Variants in DISP1 observed in about 807,000 individuals in gnomAD.
DISP1 encodes protein dispatched homolog 1.
Under a neutral mutation model 37.3 loss-of-function variants are expected in DISP1, and 30 were observed. That is an observed-to-expected ratio of 0.80 (90% CI 0.60 to 1.09). The LOEUF (loss-of-function observed/expected upper bound fraction) is 1.09. Among genes scored for constraint, DISP1 ranks in the 50% least tolerant of loss-of-function variants. DISP1 has a pLI of 0.00. For missense variants in DISP1, 1,598 were observed against 1,879.5 expected, an observed-to-expected ratio of 0.85 and a Z score of 2.77; for synonymous variants, 634 against 690.2, an observed-to-expected ratio of 0.92 and a Z score of 1.28.
chr1:222,824,211 C>T (rs1663702007), intron 1 of DISP1, among the ~76,000 whole-genome samples: 1 of 152,064 alleles, frequency 6.6e-6, no homozygotes. Flanking sequence ...GGAAAAGTTA[C>T]CAGTAAATGT....
intron 1 of DISP1, among the ~76,000 whole-genome samples, chr1:222,902,247 T>G (rs1335326535): frequency 3.3e-5 from 5 of 152,172 alleles, no homozygotes; most frequent in Non-Finnish European, 5.9e-5. Flanking sequence ...AATTGTGATG[T>G]TAGGGTGTCA....
chr1:222,993,493 G>A (rs1359983257), intron 7 of DISP1, among the ~76,000 whole-genome samples: 1 of 152,056 alleles, frequency 6.6e-6, no homozygotes, highest in African/African-American at 2.4e-5. Context: ...TGACCTGATT[G>A]GATCTTTGAT....
chr1:222,975,173 A>G (rs1272381574), intron 3 of DISP1, among the ~76,000 whole-genome samples: 1 of 151,992 alleles, frequency 6.6e-6, no homozygotes, highest in Non-Finnish European at 1.5e-5. Context: ...CTACAGGTGC[A>G]TGCCACCACC....
At chr1:222,832,964 A>C (rs1666127292) in intron 1 of DISP1, among the ~76,000 whole-genome samples, 1 of 152,254 alleles carries the variant, frequency 6.6e-6, no homozygotes, top group Non-Finnish European at 1.5e-5. Context: ...AATTTAAATA[A>C]GTTGAAAATT....
chr1:222,922,831 G>T (rs187334832), intron 1 of DISP1, among the ~76,000 whole-genome samples: 2 of 152,248 alleles, frequency 1.3e-5, no homozygotes, highest in Admixed American at 1.3e-4. Flanking sequence ...AAGAAGATCT[G>T]CCAAGAAAAT....
At chr1:222,953,208 G>A (rs1187092402) in intron 3 of DISP1, among the ~76,000 whole-genome samples, 1 of 151,990 alleles carries the variant, frequency 6.6e-6, no homozygotes, top group African/African-American at 2.4e-5. Context: ...CTGTAAAATG[G>A]GAGTAACAGT....
chr1:222,942,726 G>A (rs778256356), intron 2 of DISP1, 81 bp from the exon 3 acceptor site: 5 of 1,540,734 alleles, frequency 3.2e-6, no homozygotes, highest in African/African-American at 1.4e-5. Context: ...TCAATGAGCT[G>A]TTTTTAAATA....
chr1:222,856,458 C>G (rs1668550146), intron 1 of DISP1, among the ~76,000 whole-genome samples: 1 of 152,138 alleles, frequency 6.6e-6, no homozygotes, highest in Non-Finnish European at 1.5e-5. Context: ...CACACTGACA[C>G]AACTAGACTT....
chr1:222,999,735 A>C (rs1032354981), intron 8 of DISP1, among the ~76,000 whole-genome samples: 1 of 152,160 alleles, frequency 6.6e-6, no homozygotes, highest in African/African-American at 2.4e-5. Context: ...TTACTCCCTA[A>C]AAGTACAGAC....
chr1:222,984,363 C>A (rs972670222), intron 4 of DISP1, among the ~76,000 whole-genome samples: 1 of 140,458 alleles, frequency 7.1e-6, no homozygotes, highest in South Asian at 2.2e-4. Context: ...TGAAATACAC[C>A]ACTACACTCA....
intron 1 of DISP1, among the ~76,000 whole-genome samples, chr1:222,823,002 A>G (rs1280311830): frequency 6.6e-6 from 1 of 152,230 alleles, no homozygotes; most frequent in East Asian, 1.9e-4. Context: ...TTCAGAATAA[A>G]TTGTGGAATG....
rs746215476 is a variant in DISP1, at chr1:222,942,805, A to G, written c.-17-2A>G. ...GGGCGATTTTATGATTTTCTTACTT[A>G]GAGTCAAGAAATTGGAGCATGGCTA... On this transcript the variant is annotated splice_acceptor_variant, in intron 2 of 8. Coordinates refer to ENST00000675850, the MANE Select transcript of DISP1 (RefSeq NM_001377229.1). LOFTEE classifies it low-confidence loss of function (5UTR_SPLICE). 2 of 1,614,080 alleles carry G rather than the reference A, an allele frequency of 1.2e-6. No individual in the cohort carries two copies. Among genetic ancestry groups the G allele is most frequent in the Non-Finnish European group, 1.7e-6 (2 of 1,180,016 alleles).
intron 1 of DISP1, among the ~76,000 whole-genome samples, chr1:222,906,329 T>C (rs1365282011): frequency 6.6e-6 from 1 of 152,208 alleles, no homozygotes; most frequent in African/African-American, 2.4e-5. Flanking sequence ...GAACTTTTTC[T>C]TGTTTGAACA....
intron 1 of DISP1, among the ~76,000 whole-genome samples, chr1:222,815,988 A>G (rs1661124706): frequency 6.6e-6 from 1 of 151,990 alleles, no homozygotes; most frequent in Non-Finnish European, 1.5e-5. Context: ...AGTTTAACCA[A>G]TAAAGGCAAT....
At chr1:222,967,454 T>C (rs1287132061) in intron 3 of DISP1, among the ~76,000 whole-genome samples, 1 of 152,152 alleles carries the variant, frequency 6.6e-6, no homozygotes, top group African/African-American at 2.4e-5. Context: ...GCAACCCTTC[T>C]TAGGAGAGGT....
chr1:222,883,254 C>T (rs547877182), intron 1 of DISP1, among the ~76,000 whole-genome samples: 16 of 151,970 alleles, frequency 1.1e-4, no homozygotes, highest in Non-Finnish European at 2.1e-4. Context: ...GTAACAGTAC[C>T]GCCACCACCA....
intron 1 of DISP1, among the ~76,000 whole-genome samples, chr1:222,918,164 C>T (rs1461956381): frequency 6.6e-6 from 1 of 152,160 alleles, no homozygotes. Context: ...ATTCCCCATC[C>T]AGGCCACAAT....
intron 1 of DISP1, among the ~76,000 whole-genome samples, chr1:222,872,716 A>G (rs1382173814): frequency 3.9e-5 from 6 of 152,072 alleles, no homozygotes; most frequent in Non-Finnish European, 7.3e-5. Flanking sequence ...TGATCTTTTC[A>G]AAAAACCAGC....
intron 8 of DISP1, among the ~76,000 whole-genome samples, chr1:223,000,268 G>A (rs1191851602): frequency 1.3e-5 from 2 of 152,150 alleles, no homozygotes; most frequent in African/African-American, 4.8e-5. Context: ...GCTGACCCTA[G>A]TGGTTTGTAT....
Sources: gnomAD v4.1 joint callset for allele counts (sites outside exome capture counted in the v4.1 genomes callset) on GRCh38, gnomAD v4.1.1 for gene constraint, MANE v1.5 for transcripts, NCBI Gene and HGNC (gene_info 2026-07-23, HGNC 2026-07-21) for gene names.